Variants in CPNE7 observed in about 807,000 individuals in gnomAD.
The protein encoded by CPNE7 is copine 7.
A neutral mutation model predicts 66.5 loss-of-function variants in CPNE7; 78 were observed. The observed-to-expected ratio is 1.17, with a 90% CI of 0.98 to 1.42. The LOEUF is 1.42. Ranked by LOEUF, CPNE7 falls within the 40% of genes most tolerant of loss-of-function variation. The pLI is 0.00. For missense variants in CPNE7, 1,012 were observed against 776.6 expected (o/e 1.30, Z -3.60); for synonymous variants, 468 against 336.7 (o/e 1.39, Z -4.27).
At chr16:89,588,568 C>T (rs1485163286) in intron 9 of CPNE7, 107 bp from the exon 10 acceptor site, 1 of 1,439,196 alleles carries the variant, frequency 6.9e-7, no homozygotes. Context: ...ACCTACGCGA[C>T]CCCTGACCCT....
At chr16:89,587,702 G>A (rs1183155296) in intron 9 of CPNE7, 25 of 316,048 alleles carry the variant, frequency 7.9e-5, no homozygotes, top group East Asian at 3.2e-4. Flanking sequence ...CGCACACCCC[G>A]TGTCACCCCC....
At chr16:89,576,162 C>A in intron 1 of CPNE7, 91 bp downstream of exon 1, 7 of 1,120,908 alleles carry the variant, frequency 6.2e-6, no homozygotes, top group Non-Finnish European at 7.9e-6. Flanking sequence ...GCGCTGAGGC[C>A]AGTGGGGCGC....
intron 13 of CPNE7, among the ~76,000 whole-genome samples, chr16:89,592,810 C>CTTTTTTTTTTTTT (rs57297283): frequency 1.9e-5 from 2 of 106,388 alleles, no homozygotes; most frequent in African/African-American, 3.9e-5. Context: ...TTTTTCTTTT[C>CTTTTTTTTTTTTT]TTTTTTTTTT....
chr16:89,580,337 C>T (rs1338475859), intron 2 of CPNE7, among the ~76,000 whole-genome samples: 4 of 143,076 alleles, frequency 2.8e-5, no homozygotes, highest in South Asian at 2.4e-4. Flanking sequence ...ACCCGTCACA[C>T]GGAACATCCC....
At chr16:89,596,458 G>C (rs1223354192) in intron 14 of CPNE7, 26 bp from the exon 15 acceptor site, 1 of 1,594,368 alleles carries the variant, frequency 6.3e-7, no homozygotes, top group South Asian at 1.1e-5. Flanking sequence ...AGGTCCCAGA[G>C]GTAACTGCGT....
chr16:89,586,991 A>G lies in CPNE7; in HGVS notation c.868-52A>G, dbSNP rs1348055076. On this transcript the variant is annotated intron_variant, in intron 8 of 14. Transcript: ENST00000319518. The stretch of plus-strand genomic sequence containing the variant: ...GAGGCAGGCCTGGATCCCAGCTGGC[A>G]CTGGCCTCAGTGTCCCTGGCGGGGG... 1.0e-5 allele frequency: 16 copies of G among 1,532,994 alleles called. No individual in the cohort carries two copies. The East Asian group carries it at 2.2e-4, about 21-fold the overall frequency. The allele number at this position is 1,532,994 out of a possible 1,614,324, so 95.0% of individuals were successfully genotyped here.
At chr16:89,577,749 G>A in intron 2 of CPNE7, 28 bp downstream of exon 2, 2 of 1,559,656 alleles carry the variant, frequency 1.3e-6, no homozygotes, top group Non-Finnish European at 1.7e-6. Flanking sequence ...TCGGAGGGAG[G>A]AGGACGGTTG....
At position 89,584,786 on chromosome 16, in the gene CPNE7, A is replaced by G; in HGVS notation, c.520A>G (p.Lys174Glu). Residue 174 changes from lysine to glutamate, a missense_variant, in exon 5 of 15, where the codon AAG (lysine) becomes GAG (glutamate). Transcript: ENST00000319518. The surrounding 1 kb of genome is among the most constrained non-coding windows in gnomAD (Gnocchi z 6.0). The stretch of plus-strand genomic sequence containing the variant: ...TGCCTCTCCCCAGGACCTCTTCAGC[A>G]AGTCCGACCCCTTCCTGGAGCTCTA... ...RKLDDKDLFSKSDPFLELYRV... is the reference protein window; with the variant it reads ...RKLDDKDLFSESDPFLELYRV... 1 of 1,613,500 alleles carries G rather than the reference A, an allele frequency of 6.2e-7. No individual in the cohort carries two copies. The highest frequency in any genetic ancestry group is 1.1e-5 in the South Asian group (1 of 91,042).
chr16:89,589,805 C>G (rs2059141861), intron 10 of CPNE7, 92 bp from the exon 11 acceptor site: 2 of 1,430,230 alleles, frequency 1.4e-6, no homozygotes, highest in East Asian at 2.3e-5. Flanking sequence ...CACCCCCAGT[C>G]TTTTGGGCGC....
chr16:89,588,578 T>G (rs1310286728), intron 9 of CPNE7, 97 bp from the exon 10 acceptor site: 2 of 1,509,548 alleles, frequency 1.3e-6, no homozygotes, highest in Admixed American at 1.7e-5. Flanking sequence ...CCCCTGACCC[T>G]GAGTCCTGGC....
intron 9 of CPNE7, chr16:89,587,744 G>GTCA (rs1555623999): frequency 1.1e-5 from 1 of 90,590 alleles, no homozygotes; most frequent in Admixed American, 8.7e-5. Flanking sequence ...CAGATACACG[G>GTCA]CCCCCGTGTC....
intron 13 of CPNE7, among the ~76,000 whole-genome samples, chr16:89,593,209 G>C (rs576221229): frequency 5.3e-5 from 8 of 152,118 alleles, no homozygotes; most frequent in Admixed American, 1.3e-4. Flanking sequence ...AGCCAAATGG[G>C]AACCCTATAT....
Position 89,588,095 on chromosome 16 carries a change from C to G in CPNE7, c.928-580C>G, listed in dbSNP as rs1346105984. ...CGTGTTACCCACAGATACACGGCCCCCGTGTCACCCACAGATACACGGCCC... is the reference window on the plus strand; with the variant it reads ...CGTGTTACCCACAGATACACGGCCCGCGTGTCACCCACAGATACACGGCCC... On this transcript the variant is annotated intron_variant, in intron 9 of 14. Coordinates refer to ENST00000319518, the MANE Select transcript of CPNE7 (RefSeq NM_153636.3). 5.8e-4 allele frequency among the ~76,000 whole-genome samples: 11 copies of G among 19,018 alleles called. No individual in the cohort carries two copies. The East Asian group carries it at 5.9e-3, about 10-fold the overall frequency. The allele number at this position is 19,018 out of a possible 152,430, so 12.5% of individuals were successfully genotyped here.
At chr16:89,587,430 G>A (rs1346483743) in intron 9 of CPNE7, 1 of 384,658 alleles carries the variant, frequency 2.6e-6, no homozygotes, top group African/African-American at 2.3e-5. Flanking sequence ...CTCCATGCGC[G>A]GCTCCTGGGG....
intron 2 of CPNE7, among the ~76,000 whole-genome samples, chr16:89,582,458 C>T (rs2058970274): frequency 1.3e-5 from 2 of 152,242 alleles, no homozygotes; most frequent in Non-Finnish European, 2.9e-5. Flanking sequence ...CCTGCGCCCT[C>T]CCTGGAAGCA....
intron 1 of CPNE7, among the ~76,000 whole-genome samples, chr16:89,576,379 C>G (rs2058859916): frequency 6.6e-6 from 1 of 151,550 alleles, no homozygotes; most frequent in Admixed American, 6.6e-5. Flanking sequence ...GTGAAGCGCC[C>G]AGGCATGAGG....
At chr16:89,586,518 G>A in intron 7 of CPNE7, 152 bp from the exon 8 acceptor site, 1 of 623,366 alleles carries the variant, frequency 1.6e-6, no homozygotes, top group Non-Finnish European at 2.9e-6. Flanking sequence ...GACCCACTCT[G>A]CCCCTTCCTG....
At chr16:89,595,746 C>T (rs541077164) in intron 14 of CPNE7, 143 bp downstream of exon 14, 3 of 778,038 alleles carry the variant, frequency 3.9e-6, no homozygotes, top group Non-Finnish European at 6.8e-6. Context: ...CTGTTCCCCC[C>T]AGTCAAGAGC....
chr16:89,588,599 G>T, intron 9 of CPNE7, 76 bp from the exon 10 acceptor site: 1 of 1,585,828 alleles, frequency 6.3e-7, no homozygotes, highest in East Asian at 2.2e-5. Context: ...CACTCTGGGC[G>T]TGGTTTCTCT....
Sources: gnomAD v4.1 joint callset for allele counts (sites outside exome capture counted in the v4.1 genomes callset) on GRCh38, gnomAD v4.1.1 for gene constraint, Gnocchi (gnomAD v3.1) non-coding constraint, MANE v1.5 for transcripts, NCBI Gene and HGNC (gene_info 2026-07-23, HGNC 2026-07-21) for gene names.